ADGRF5: variants seen among roughly 807,000 people sequenced by gnomAD.
ADGRF5 encodes the protein G-protein coupled receptor 116.
In ADGRF5, 75 loss-of-function variants were observed where a neutral mutation model predicts 132.3. The observed-to-expected ratio is 0.57, with a 90% CI of 0.47 to 0.69. The LOEUF (loss-of-function observed/expected upper bound fraction) is 0.69, where lower values mean the gene tolerates loss of function less well. Among genes scored for constraint, ADGRF5 ranks in the 30% least tolerant of loss-of-function variants. The pLI, the probability that ADGRF5 is intolerant of heterozygous loss-of-function variation, is 0.00. For missense variants in ADGRF5, 1,516 were observed against 1,630.6 expected, an observed-to-expected ratio of 0.93 and a Z score of 1.21; for synonymous variants, 629 against 597.6, an observed-to-expected ratio of 1.05 and a Z score of -0.77.
intron 1 of ADGRF5, among the ~76,000 whole-genome samples, chr6:46,946,347 G>T (rs1023291731): frequency 1.3e-5 from 2 of 152,210 alleles, no homozygotes; most frequent in African/African-American, 4.8e-5. Flanking sequence ...TGAGGATACA[G>T]AGGTCAAAGA....
At chr6:46,916,588 A>T (rs1033850479) in intron 1 of ADGRF5, among the ~76,000 whole-genome samples, 1 of 152,208 alleles carries the variant, frequency 6.6e-6, no homozygotes, top group African/African-American at 2.4e-5. Context: ...ATCATCTTAC[A>T]TCTAGATGGT....
chr6:46,878,554 C>T (rs112579111), intron 9 of ADGRF5, 149 bp from the exon 10 acceptor site: 3 of 611,868 alleles, frequency 4.9e-6, no homozygotes, highest in Middle Eastern at 8.7e-4. Flanking sequence ...CCTAAAAAAC[C>T]ATTCAGGAAT....
rs1224529123 is a variant in ADGRF5 at position 46,921,580 on chromosome 6, C to G, written c.-25+133G>C. ...TAACTTTCCCAACATACATATCACA[C>G]CTACGCAAAAGAAAAGCAGGCAAAG... On this transcript the variant is annotated intron_variant, in intron 1 of 20. Coordinates refer to ENST00000283296, the MANE Select transcript of ADGRF5 (RefSeq NM_001098518.2). The G allele has an allele frequency of 2.0e-5, 3 of 152,204 alleles. No individual in the cohort carries two copies. The East Asian group carries it at 5.8e-4, about 29-fold the overall frequency. The allele number at this position is 152,204 out of a possible 1,614,324, so 9.4% of individuals were successfully genotyped here.
chr6:46,910,537 C>G (rs1164646045), intron 1 of ADGRF5, among the ~76,000 whole-genome samples: 1 of 152,058 alleles, frequency 6.6e-6, no homozygotes, highest in Admixed American at 6.6e-5. Flanking sequence ...ATTAAATTAC[C>G]CCCATTTTTC....
chr6:46,948,015 C>T (rs1778363674), intron 1 of ADGRF5, among the ~76,000 whole-genome samples: 1 of 152,158 alleles, frequency 6.6e-6, no homozygotes, highest in African/African-American at 2.4e-5. Flanking sequence ...TGTGTGCAGA[C>T]CTGAGACCCA....
At position 46,865,134 on chromosome 6, in the gene ADGRF5, C is replaced by T; in HGVS notation, c.1898G>A (p.Trp633Ter). Residue 633 changes from tryptophan to a stop codon, truncating the protein, a stop_gained, in exon 14 of 21, where the codon TGG (tryptophan) becomes TAG (stop). Transcript: ENST00000283296. LOFTEE classifies it high-confidence loss of function. The stretch of plus-strand genomic sequence containing the variant: ...ACACACATCAACAGTTTTTGAACAC[C>T]AGGAAACTGAGCTTGCATTGAAATT... ...KHNFNASSVS[W>*]CSKTVDVCCH... 1 of 1,611,518 alleles carries T rather than the reference C, an allele frequency of 6.2e-7. No individual in the cohort carries two copies. Among genetic ancestry groups the T allele is most frequent in the Non-Finnish European group, 8.5e-7 (1 of 1,177,604 alleles).
upstream of ADGRF5, among the ~76,000 whole-genome samples, chr6:46,924,965 A>T (rs551221431): frequency 8.5e-5 from 13 of 152,320 alleles, no homozygotes; most frequent in Non-Finnish European, 1.6e-4. Flanking sequence ...CCAGTGTCTT[A>T]TCTGTCTCTG....
chr6:46,856,837 C>T lies in ADGRF5; in HGVS notation c.3816+30G>A, dbSNP rs772950678. 19 of 1,607,962 alleles carry T rather than the reference C, an allele frequency of 1.2e-5. No individual in the cohort carries two copies. In the Admixed American group the frequency reaches 3.2e-4, roughly 27 times the overall value. On this transcript the variant is annotated intron_variant, in intron 18 of 20. Transcript: ENST00000283296. ...CATGCCACAAGCACTTCAGACTTTT[C>T]TAGAAACATGAAACTGTCATTGCTC...
intron 14 of ADGRF5, among the ~76,000 whole-genome samples, chr6:46,864,535 T>C (rs1770172136): frequency 6.6e-6 from 1 of 151,790 alleles, no homozygotes; most frequent in South Asian, 2.1e-4. Context: ...AATTTTTTTT[T>C]TTTTTTTTTG....
At chr6:46,895,864 C>T (rs568980324) in intron 3 of ADGRF5, among the ~76,000 whole-genome samples, 1 of 151,968 alleles carries the variant, frequency 6.6e-6, no homozygotes, top group South Asian at 2.1e-4. Flanking sequence ...AGTTTGTCTG[C>T]AAACCTCCAA....
chr6:46,938,253 T>C (rs1389198044), intron 1 of ADGRF5, among the ~76,000 whole-genome samples: 1 of 152,128 alleles, frequency 6.6e-6, no homozygotes, highest in African/African-American at 2.4e-5. Context: ...CCCTTTCCCT[T>C]CCTTTCTGCT....
rs755276570 is a variant in ADGRF5 at position 46,863,096 on chromosome 6, C to G, written c.1991G>C (p.Gly664Ala). 6.2e-7 allele frequency: 1 copy of G among 1,609,374 alleles called. No individual in the cohort carries two copies. The highest frequency in any genetic ancestry group is 8.5e-7 in the Non-Finnish European group (1 of 1,175,728). Residue 664 changes from glycine to alanine, a missense_variant and splice_region_variant, in exon 15 of 21, where the codon GGG becomes GCG. By Grantham distance (60) the Gly-to-Ala change is moderately conservative. This residue lies in a region of ADGRF5 where 945 missense variants were observed against 929.4 expected (regional missense o/e 1.02). Transcript: ENST00000283296. ...GGGATCCTGGCATGTGATGTTTTCC[C>G]CTGTGTTGGAAACATTGAAATAAAG... ...SPSMKLNLVP[G>A]ENITCQDPVI...
rs143183497 is a variant in ADGRF5, at chr6:46,880,940, A to T, written c.814+515T>A. Among the ~76,000 whole-genome samples the T allele has an allele frequency of 1.7e-3, 260 of 152,150 alleles. 1 individual carries two copies. Among genetic ancestry groups the T allele is most frequent in the African/African-American group, 5.6e-3 (233 of 41,510 alleles). ...GTCCCATCTCTACAAAAAATAATAA[A>T]AAAAAAAATGTTAGCTGAGTATGGA... On this transcript the variant is annotated intron_variant, in intron 8 of 20. Transcript: ENST00000283296.
chr6:46,953,551 G>A (rs1043686084), intron 1 of ADGRF5, among the ~76,000 whole-genome samples: 13 of 150,772 alleles, frequency 8.6e-5, no homozygotes, highest in Non-Finnish European at 1.8e-4. Flanking sequence ...GAACCCAAGA[G>A]GCAGAGGTTG....
chr6:46,864,830 A>G lies in ADGRF5; in HGVS notation c.1990+212T>C, dbSNP rs539402204. The stretch of plus-strand genomic sequence containing the variant: ...TGAGCCACCGCACCCGGCCAATAAC[A>G]TTTTTTTATCACATAGATTTCTTCC... On this transcript the variant is annotated intron_variant, in intron 14 of 20. Coordinates refer to ENST00000283296, the MANE Select transcript of ADGRF5 (RefSeq NM_001098518.2). Among the ~76,000 whole-genome samples, 216 of 152,108 alleles carry G rather than the reference A, an allele frequency of 1.4e-3. 1 individual carries two copies. Among genetic ancestry groups the G allele is most frequent in the African/African-American group, 5.1e-3 (212 of 41,512 alleles).
chr6:46,861,898 C>T (rs1032107283), intron 15 of ADGRF5, among the ~76,000 whole-genome samples: 40 of 151,204 alleles, frequency 2.6e-4, no homozygotes, highest in Admixed American at 2.6e-3. Flanking sequence ...TTATATCTCT[C>T]ATGCCTCATT....
intron 2 of ADGRF5, among the ~76,000 whole-genome samples, chr6:46,902,268 A>T (rs1774855994): frequency 6.6e-6 from 1 of 151,968 alleles, no homozygotes; most frequent in Admixed American, 6.6e-5. Context: ...GGGAGGAGGG[A>T]GTGGCCACTG....
At chr6:46,890,808 G>T (rs1159388381) in intron 3 of ADGRF5, among the ~76,000 whole-genome samples, 2 of 152,286 alleles carry the variant, frequency 1.3e-5, no homozygotes, top group Admixed American at 6.5e-5. Flanking sequence ...GAAGTTTATT[G>T]TACCATAAAG....
rs1267561169 is a variant in ADGRF5, at chr6:46,856,912, A to AG, written c.3775-5dup. On this transcript the variant is annotated splice_region_variant and splice_polypyrimidine_tract_variant and intron_variant, in intron 17 of 20. Coordinates refer to ENST00000283296, the MANE Select transcript of ADGRF5 (RefSeq NM_001098518.2). ...CAAAGAGTAAAATGAATAATCCCTG[A>AG]GAAAAAAAAGATTGAAAAGAAGTGC... 1 of 1,601,234 alleles carries AG rather than the reference A, an allele frequency of 6.2e-7. No individual in the cohort carries two copies. The highest frequency in any genetic ancestry group is 1.3e-5 in the African/African-American group (1 of 74,496).
Sources: gnomAD v4.1 joint callset for allele counts (sites outside exome capture counted in the v4.1 genomes callset) on GRCh38, gnomAD v4.1.1 for gene constraint, gnomAD v4.1.1 regional missense constraint, MANE v1.5 for transcripts, NCBI Gene and HGNC (gene_info 2026-07-23, HGNC 2026-07-21) for gene names.